ZNF727: variants seen among roughly 807,000 people sequenced by gnomAD.
ZNF727 encodes the protein putative zinc finger protein 727.
A neutral mutation model predicts 11.5 loss-of-function variants in ZNF727; 11 were observed. That is an observed-to-expected ratio of 0.95 (90% CI 0.60 to 1.58). The LOEUF is 1.58. ZNF727 is among the 40% of genes most tolerant of loss of function. The probability of loss-of-function intolerance (pLI) is 0.00; values close to 1 mark genes in which losing one functional copy is unlikely to be tolerated. For missense variants in ZNF727, 533 were observed against 581.7 expected, an observed-to-expected ratio of 0.92 and a Z score of 0.86; for synonymous variants, 171 against 196.1, an observed-to-expected ratio of 0.87 and a Z score of 1.07.
In ZNF727 at chr7:64,078,234, C is replaced by A. The variant is rs376865671; in HGVS notation, c.1185C>A (p.Pro395=). 9.3e-6 allele frequency: 15 copies of A among 1,606,412 alleles called. No homozygotes were observed. The highest frequency in any genetic ancestry group is 5.1e-5 in the Admixed American group (3 of 58,810). Residue 395 remains proline, a synonymous_variant, in exon 4 of 4, where the codon CCC becomes CCA. Coordinates refer to ENST00000456806, the MANE Select transcript of ZNF727 (RefSeq NM_001159522.3). The stretch of plus-strand genomic sequence containing the variant: ...AGAGAATTCACACTGGAGAGAAACC[C>A]TACAAATGTGAAGAATGTGGCAAAA... ...NHKRIHTGEK[P]YKCEECGKSF...
chr7:64,063,381 A>C (rs1482136696), intron 1 of ZNF727, among the ~76,000 whole-genome samples: 1 of 152,190 alleles, frequency 6.6e-6, no homozygotes, highest in Non-Finnish European at 1.5e-5. Flanking sequence ...AGACTTGTAG[A>C]GGTACCACTT....
At chr7:64,072,732 C>T (rs562508545) in intron 3 of ZNF727, among the ~76,000 whole-genome samples, 28 of 152,208 alleles carry the variant, frequency 1.8e-4, no homozygotes, top group African/African-American at 6.3e-4. Context: ...ATAGGTGAAC[C>T]ATTTCTTGGT....
intron 1 of ZNF727, among the ~76,000 whole-genome samples, chr7:64,057,760 T>C (rs1242661263): frequency 1.3e-5 from 2 of 152,084 alleles, no homozygotes; most frequent in Non-Finnish European, 2.9e-5. Flanking sequence ...AGCAGGGGTA[T>C]TTGTGGTACA....
chr7:64,064,886 A>G (rs1248417765), intron 1 of ZNF727, among the ~76,000 whole-genome samples: 2 of 152,230 alleles, frequency 1.3e-5, no homozygotes, highest in South Asian at 2.1e-4. Context: ...TTGTAAGCCC[A>G]TGGATTTTCT....
intron 1 of ZNF727, among the ~76,000 whole-genome samples, chr7:64,060,022 G>A (rs1377566856): frequency 1.3e-5 from 2 of 151,966 alleles, no homozygotes; most frequent in Non-Finnish European, 2.9e-5. Context: ...ATGAAGCCAA[G>A]GAAAGCTTAT....
rs1207737802 is a variant in ZNF727, at chr7:64,045,627, G to A, written c.3+3G>A. On this transcript the variant is annotated splice_donor_region_variant and intron_variant, in intron 1 of 3. Transcript: ENST00000456806. ...GAACATCCGGAGGCTGGGAAATGGT[G>A]AGTGCGCGGAGTGGGTGTCCCGAGA... 1.3e-6 allele frequency: 2 copies of A among 1,559,168 alleles called. No homozygotes were observed. The highest frequency in any genetic ancestry group is 2.4e-5 in the South Asian group (2 of 84,518).
intron 1 of ZNF727, among the ~76,000 whole-genome samples, chr7:64,052,243 G>C (rs1392215096): frequency 1.3e-5 from 2 of 152,140 alleles, no homozygotes; most frequent in Non-Finnish European, 2.9e-5. Flanking sequence ...GTCTCTGCAG[G>C]TGTTTTTCTT....
rs1407159010 is a variant in ZNF727, at chr7:64,083,823, C to A, written c.*5274C>A. ...AGTTAAGTTGTTTCTTTCATTAGTT[C>A]CAATGCAAGTACCTGGATGTTTCAG... On this transcript the variant is annotated 3_prime_UTR_variant, in exon 4 of 4. Transcript: ENST00000456806. 1.3e-5 allele frequency among the ~76,000 whole-genome samples: 2 copies of A among 152,158 alleles called. No homozygotes were observed. The highest frequency in any genetic ancestry group is 4.8e-5 in the African/African-American group (2 of 41,442).
At chr7:64,069,424 T>C in intron 2 of ZNF727, 90 bp from the exon 3 acceptor site, 1 of 1,073,914 alleles carries the variant, frequency 9.3e-7, no homozygotes, top group Non-Finnish European at 1.4e-6. Flanking sequence ...GAGTCTTCTA[T>C]AATGTTCTCT....
intron 1 of ZNF727, among the ~76,000 whole-genome samples, chr7:64,060,398 C>G (rs1789751446): frequency 6.6e-6 from 1 of 152,204 alleles, no homozygotes; most frequent in Admixed American, 6.5e-5. Context: ...AGGCTTTTCT[C>G]TCTTTGGCTT....
chr7:64,079,568 T>C lies in ZNF727; in HGVS notation c.*1019T>C, dbSNP rs1333951704. ...ACTTTTCCCTTTATTTTGAGCTTAT[T>C]TGAAATGGGTATCTCAATTACAGCA... is the stretch of plus-strand genomic sequence containing the variant. On this transcript the variant is annotated 3_prime_UTR_variant, in exon 4 of 4. Transcript: ENST00000456806. Among the ~76,000 whole-genome samples the C allele has an allele frequency of 6.6e-6, 1 of 152,186 alleles. No homozygotes were observed. Among genetic ancestry groups the C allele is most frequent in the Non-Finnish European group, 1.5e-5 (1 of 68,030 alleles).
intron 1 of ZNF727, among the ~76,000 whole-genome samples, chr7:64,058,045 A>G (rs532461859): frequency 6.6e-6 from 1 of 152,166 alleles, no homozygotes; most frequent in East Asian, 1.9e-4. Context: ...GGGTTACTCA[A>G]AAGAAAATGG....
intron 1 of ZNF727, among the ~76,000 whole-genome samples, chr7:64,049,572 TTA>T (rs1401677723): frequency 6.6e-6 from 1 of 151,938 alleles, no homozygotes; most frequent in Non-Finnish European, 1.5e-5. Context: ...ATTTTAACTA[TTA>T]GTCATGTAGT....
chr7:64,073,534 CT>C (rs762765171), intron 3 of ZNF727, among the ~76,000 whole-genome samples: 1 of 151,762 alleles, frequency 6.6e-6, no homozygotes, highest in African/African-American at 2.4e-5. Flanking sequence ...CAAAGATCTT[CT>C]TTTCTTAAGG....
At chr7:64,072,868 A>G (rs1299192924) in intron 3 of ZNF727, among the ~76,000 whole-genome samples, 1 of 151,966 alleles carries the variant, frequency 6.6e-6, no homozygotes, top group Non-Finnish European at 1.5e-5. Flanking sequence ...CAAAATTATG[A>G]TAAAAGTCTC....
At chr7:64,077,226 C>T (rs1361106551) in intron 3 of ZNF727, 50 bp from the exon 4 acceptor site, 1 of 1,442,774 alleles carries the variant, frequency 6.9e-7, no homozygotes, top group Non-Finnish European at 9.2e-7. Context: ...AAAGTGTATT[C>T]ACCTAAGTCT....
chr7:64,085,276 TATTG>T lies in ZNF727; in HGVS notation c.*6730_*6733del, dbSNP rs1418095487. Among the ~76,000 whole-genome samples, 51 of 152,330 alleles carry T rather than the reference TATTG, an allele frequency of 3.3e-4. No homozygotes were observed. The highest frequency in any genetic ancestry group is 1.2e-3 in the African/African-American group (51 of 41,578). ...CTATTTAATCCAATTTTCATTTAGTTATTGATCATTTTACTTTGTAAAATTGATA... is the reference window on the plus strand; with the variant it reads ...CTATTTAATCCAATTTTCATTTAGTTATCATTTTACTTTGTAAAATTGATA... On this transcript the variant is annotated 3_prime_UTR_variant, in exon 4 of 4. Transcript: ENST00000456806.
chr7:64,057,129 A>G (rs1789697519), intron 1 of ZNF727, among the ~76,000 whole-genome samples: 2 of 152,124 alleles, frequency 1.3e-5, no homozygotes, highest in East Asian at 1.9e-4. Context: ...AGAATTATTT[A>G]TAACAAATAT....
At chr7:64,077,246 G>T in intron 3 of ZNF727, 30 bp from the exon 4 acceptor site, 1 of 1,453,058 alleles carries the variant, frequency 6.9e-7, no homozygotes, top group South Asian at 1.4e-5. Flanking sequence ...TGATGAGGGA[G>T]AAATTTTGTG....
Sources: allele counts gnomAD v4.1 joint callset (sites outside exome capture counted in the v4.1 genomes callset), GRCh38; gene constraint gnomAD v4.1.1; transcripts MANE v1.5; gene names NCBI Gene and HGNC (gene_info 2026-07-23, HGNC 2026-07-21).